The following LINGO2 variants were observed in gnomAD, a reference collection of about 807,000 sequenced individuals.
LINGO2 encodes the protein leucine rich repeat and Ig domain containing 2, also known as leucine-rich repeat and immunoglobulin-like domain-containing nogo receptor-interacting protein 2.
LINGO2 carries 14 observed loss-of-function variants against 30.6 expected under a neutral mutation model. The observed-to-expected ratio is 0.46, with a 90% CI of 0.30 to 0.72. LINGO2 has a LOEUF of 0.72. Among genes scored for constraint, LINGO2 ranks in the 30% least tolerant of loss-of-function variants. The pLI is 0.07. For synonymous variants in LINGO2, 317 were observed against 288.5 expected (o/e 1.10, Z -1.00); for missense variants, 729 against 751.7 (o/e 0.97, Z 0.35).
rs543973777 is a variant in LINGO2 at position 28,531,048 on chromosome 9, A to AATATATATATAT, written c.-364-55035_-364-55024dup. 3.4e-3 allele frequency among the ~76,000 whole-genome samples: 505 copies of AATATATATATAT among 146,428 alleles called. 2 individuals are homozygous for AATATATATATAT. Among genetic ancestry groups the AATATATATATAT allele is most frequent in the African/African-American group, 0.012 (479 of 40,246 alleles). On this transcript the variant is annotated intron_variant, in intron 1 of 5. Transcript: ENST00000379992. ...TATAAGTATGCCATATATAAAAATA[A>AATATATATATAT]ATATATATATATATATAATATATAA...
At chr9:27,953,135 T>G (rs890964566) in intron 5 of LINGO2, among the ~76,000 whole-genome samples, 1 of 152,124 alleles carries the variant, frequency 6.6e-6, no homozygotes, top group African/African-American at 2.4e-5. Flanking sequence ...TTGATAAAGT[T>G]TGATAATCAT....
chr9:27,951,557 G>A (rs1267329453), intron 5 of LINGO2, among the ~76,000 whole-genome samples: 1 of 152,108 alleles, frequency 6.6e-6, no homozygotes, highest in Non-Finnish European at 1.5e-5. Context: ...CAAACTCAGT[G>A]GACCCGTTAA....
intron 4 of LINGO2, among the ~76,000 whole-genome samples, chr9:28,274,930 G>A (rs1823063417): frequency 6.6e-6 from 1 of 152,170 alleles, no homozygotes; most frequent in Admixed American, 6.5e-5. Flanking sequence ...GTGCTCACAA[G>A]TATTTAGAAA....
intron 3 of LINGO2, among the ~76,000 whole-genome samples, chr9:28,350,912 T>C (rs1248574748): frequency 9.2e-5 from 14 of 151,846 alleles, no homozygotes; most frequent in East Asian, 1.9e-4. Context: ...GGGTACATAA[T>C]GAAATGAAGG....
chr9:29,122,441 T>C, the LINGO2 span, among the ~76,000 whole-genome samples: 1 of 152,082 alleles, frequency 6.6e-6, no homozygotes, highest in East Asian at 1.9e-4. Flanking sequence ...ACAATTAAAC[T>C]CAATGGTACT....
intron 1 of LINGO2, among the ~76,000 whole-genome samples, chr9:28,631,304 C>A: frequency 6.7e-6 from 1 of 149,746 alleles, no homozygotes; most frequent in Admixed American, 6.7e-5. Context: ...TGCCATACCT[C>A]CCCCCACCCC....
chr9:28,262,253 G>A (rs1006105432), intron 4 of LINGO2, among the ~76,000 whole-genome samples: 3 of 123,444 alleles, frequency 2.4e-5, no homozygotes, highest in African/African-American at 6.1e-5. Flanking sequence ...ACACCTACTA[G>A]TCCTTACTGA....
At chr9:28,761,522 T>C in the LINGO2 span, among the ~76,000 whole-genome samples, 1 of 151,490 alleles carries the variant, frequency 6.6e-6, no homozygotes, top group Admixed American at 6.6e-5. Context: ...GTGTGTGTAT[T>C]AAAGGCATAT....
intron 1 of LINGO2, among the ~76,000 whole-genome samples, chr9:28,539,159 TA>T (rs1315796728): frequency 1.3e-5 from 2 of 152,020 alleles, no homozygotes; most frequent in Non-Finnish European, 2.9e-5. Context: ...AATACTAATG[TA>T]AAAAAGGTTA....
intron 3 of LINGO2, among the ~76,000 whole-genome samples, chr9:28,364,033 T>C (rs1233534873): frequency 1.3e-5 from 2 of 152,010 alleles, no homozygotes; most frequent in Admixed American, 1.3e-4. Context: ...TAAAGATGGC[T>C]GTTACCCCTG....
chr9:28,959,780 G>C, the LINGO2 span, among the ~76,000 whole-genome samples: 1 of 152,104 alleles, frequency 6.6e-6, no homozygotes, highest in South Asian at 2.1e-4. Context: ...AGGCCTGGAA[G>C]AAAGTATAAA....
chr9:28,013,428 T>G (rs1007715903), intron 4 of LINGO2, among the ~76,000 whole-genome samples: 4 of 152,216 alleles, frequency 2.6e-5, no homozygotes, highest in African/African-American at 9.6e-5. Flanking sequence ...ATCTCGTTGA[T>G]GTTAAACTAG....
chr9:28,335,630 T>G (rs990631755), intron 3 of LINGO2, among the ~76,000 whole-genome samples: 1 of 152,154 alleles, frequency 6.6e-6, no homozygotes, highest in Non-Finnish European at 1.5e-5. Flanking sequence ...ATCTGAGGAC[T>G]TTTTTAAGAT....
chr9:28,888,805 G>A, the LINGO2 span: 1 of 511,526 alleles, frequency 2.0e-6, no homozygotes, highest in South Asian at 1.5e-5. Context: ...AGAACTTGGA[G>A]GAACTGACAA....
intron 1 of LINGO2, among the ~76,000 whole-genome samples, chr9:28,493,219 C>CT (rs141557887): frequency 0.022 from 3,325 of 152,210 alleles, 104 homozygotes; most frequent in East Asian, 0.099. Flanking sequence ...GAGGCTTTGC[C>CT]TTTTTGTCCT....
At chr9:28,293,616 C>A (rs10968451) in intron 4 of LINGO2, among the ~76,000 whole-genome samples, 1 of 151,756 alleles carries the variant, frequency 6.6e-6, no homozygotes, top group Admixed American at 6.6e-5. Flanking sequence ...ATGGTATTGT[C>A]CAATTCTTCT....
intron 1 of LINGO2, among the ~76,000 whole-genome samples, chr9:28,632,114 T>C (rs1826970497): frequency 6.6e-6 from 1 of 152,088 alleles, no homozygotes; most frequent in South Asian, 2.1e-4. Flanking sequence ...GTGTGACTGG[T>C]GTCTTAATAG....
chr9:28,380,395 T>TTTTC (rs1347048369), intron 2 of LINGO2, among the ~76,000 whole-genome samples: 1 of 148,366 alleles, frequency 6.7e-6, no homozygotes, highest in Non-Finnish European at 1.5e-5. Context: ...TAAAGGTTTT[T>TTTTC]TTTTTTTTCC....
At chr9:28,307,465 C>T (rs1198518118) in intron 3 of LINGO2, among the ~76,000 whole-genome samples, 3 of 152,162 alleles carry the variant, frequency 2.0e-5, no homozygotes, top group African/African-American at 7.2e-5. Flanking sequence ...AAACCCACAA[C>T]CAATATCATA....
Sources: allele counts gnomAD v4.1 joint callset (sites outside exome capture counted in the v4.1 genomes callset), GRCh38; gene constraint gnomAD v4.1.1; transcripts MANE v1.5; gene names NCBI Gene and HGNC (gene_info 2026-07-23, HGNC 2026-07-21).